The following CLMP variants were observed in gnomAD, a reference collection of about 807,000 sequenced individuals.
CLMP encodes CXADR-like membrane protein.
CLMP carries 27 observed loss-of-function variants against 45.2 expected under a neutral mutation model. The ratio of observed to expected loss-of-function variants is 0.60; its 90% CI spans 0.44 to 0.82. CLMP has a LOEUF of 0.82. Ranked by LOEUF, CLMP falls within the 40% of genes least tolerant of loss-of-function variation. The pLI, the probability that CLMP is intolerant of heterozygous loss-of-function variation, is 0.00. For missense variants in CLMP, 403 were observed against 448.4 expected (o/e 0.90, Z 0.91); for synonymous variants, 167 against 171.4 (o/e 0.97, Z 0.20).
At chr11:123,163,660 C>A (rs1861515933) in intron 1 of CLMP, among the ~76,000 whole-genome samples, 1 of 152,122 alleles carries the variant, frequency 6.6e-6, no homozygotes, top group Non-Finnish European at 1.5e-5. Flanking sequence ...AACCACTGGC[C>A]CCTAGGGCCT....
At chr11:123,175,920 T>C (rs926719719) in intron 1 of CLMP, among the ~76,000 whole-genome samples, 3 of 152,218 alleles carry the variant, frequency 2.0e-5, no homozygotes, top group Non-Finnish European at 4.4e-5. Context: ...AGAAATCTTA[T>C]TTTAGTTAGT....
At chr11:123,172,887 GCTGA>G (rs1163764543) in intron 1 of CLMP, among the ~76,000 whole-genome samples, 2 of 152,212 alleles carry the variant, frequency 1.3e-5, no homozygotes, top group African/African-American at 4.8e-5. Context: ...AATTCCTGAA[GCTGA>G]CTTTTAAATG....
intron 1 of CLMP, among the ~76,000 whole-genome samples, chr11:123,142,616 G>C (rs1457921929): frequency 1.6e-5 from 2 of 128,908 alleles, no homozygotes; most frequent in Non-Finnish European, 3.2e-5. Flanking sequence ...GGCTGGATGA[G>C]GTTTCTTTTT....
intron 1 of CLMP, among the ~76,000 whole-genome samples, chr11:123,168,892 C>T (rs376250635): frequency 2.8e-4 from 42 of 152,326 alleles, no homozygotes; most frequent in African/African-American, 1.0e-3. Flanking sequence ...TATGCAGCAT[C>T]TACTCCCGGC....
intron 1 of CLMP, among the ~76,000 whole-genome samples, chr11:123,104,319 G>T (rs1351543662): frequency 1.3e-5 from 2 of 151,198 alleles, no homozygotes; most frequent in Admixed American, 1.3e-4. Context: ...GGCCTCAAGT[G>T]ATCTGCCCGC....
intron 1 of CLMP, among the ~76,000 whole-genome samples, chr11:123,180,545 GTCTACAGTAAT>G (rs1861755311): frequency 6.6e-6 from 1 of 150,606 alleles, no homozygotes; most frequent in Non-Finnish European, 1.5e-5. Flanking sequence ...AAGTCACCCA[GTCTACAGTAAT>G]TTGTTAAGCA....
chr11:123,179,748 C>T (rs1861744988), intron 1 of CLMP, among the ~76,000 whole-genome samples: 1 of 152,232 alleles, frequency 6.6e-6, no homozygotes, highest in South Asian at 2.1e-4. Flanking sequence ...CTTGGGCTTG[C>T]CGGGGGTTCA....
intron 1 of CLMP, among the ~76,000 whole-genome samples, chr11:123,151,851 G>A (rs542359779): frequency 1.3e-5 from 2 of 152,108 alleles, no homozygotes; most frequent in Admixed American, 6.6e-5. Flanking sequence ...TGTTGGTAGG[G>A]CTGGTTTCCT....
At chr11:123,086,416 G>T (rs894388413) in intron 2 of CLMP, among the ~76,000 whole-genome samples, 2 of 152,186 alleles carry the variant, frequency 1.3e-5, no homozygotes, top group African/African-American at 4.8e-5. Flanking sequence ...ACTAAAAAAG[G>T]CATGCAAGCA....
intron 1 of CLMP, among the ~76,000 whole-genome samples, chr11:123,101,532 G>T (rs1170278542): frequency 6.6e-6 from 1 of 152,252 alleles, no homozygotes; most frequent in Middle Eastern, 3.2e-3. Flanking sequence ...AAGAAGAATG[G>T]AGCAGGGGAG....
At chr11:123,182,807 G>A (rs983709105) in intron 1 of CLMP, among the ~76,000 whole-genome samples, 1 of 152,130 alleles carries the variant, frequency 6.6e-6, no homozygotes, top group African/African-American at 2.4e-5. Context: ...AGGCTTAACC[G>A]TGAAATAACT....
intron 1 of CLMP, chr11:123,193,048 T>A (rs1001883489): frequency 6.6e-6 from 1 of 152,162 alleles, no homozygotes; most frequent in Non-Finnish European, 1.5e-5. Flanking sequence ...TTACATTCCA[T>A]GAAGAGGATG....
At chr11:123,118,480 G>A (rs1193402548) in intron 1 of CLMP, among the ~76,000 whole-genome samples, 1 of 152,186 alleles carries the variant, frequency 6.6e-6, no homozygotes, top group Admixed American at 6.5e-5. Flanking sequence ...AAATGTGTGA[G>A]CAGAACTATA....
At chr11:123,153,062 A>G (rs1861363156) in intron 1 of CLMP, among the ~76,000 whole-genome samples, 1 of 152,194 alleles carries the variant, frequency 6.6e-6, no homozygotes, top group South Asian at 2.1e-4. Context: ...ATCTCTTGCC[A>G]TGGAACACAT....
intron 1 of CLMP, among the ~76,000 whole-genome samples, chr11:123,193,878 G>A (rs1861941677): frequency 6.6e-6 from 1 of 152,160 alleles, no homozygotes; most frequent in South Asian, 2.1e-4. Context: ...ACCAGGACCA[G>A]CTCTCCCGTG....
chr11:123,129,056 C>A (rs1445931386), intron 1 of CLMP, among the ~76,000 whole-genome samples: 1 of 152,126 alleles, frequency 6.6e-6, no homozygotes, highest in Non-Finnish European at 1.5e-5. Context: ...GGAGCAGTAG[C>A]TCATACCTGT....
At chr11:123,181,299 T>C (rs1861766401) in intron 1 of CLMP, among the ~76,000 whole-genome samples, 1 of 152,166 alleles carries the variant, frequency 6.6e-6, no homozygotes, top group Non-Finnish European at 1.5e-5. Flanking sequence ...CTGAACAATT[T>C]CACAACTGTC....
intron 1 of CLMP, among the ~76,000 whole-genome samples, chr11:123,112,736 C>T (rs546594876): frequency 2.8e-4 from 42 of 150,724 alleles, no homozygotes; most frequent in Admixed American, 9.3e-4. Context: ...CACGGCAAAA[C>T]GGTTCCAAGA....
intron 1 of CLMP, among the ~76,000 whole-genome samples, chr11:123,186,961 C>T (rs937814219): frequency 6.6e-6 from 1 of 152,074 alleles, no homozygotes; most frequent in Non-Finnish European, 1.5e-5. Context: ...TGACTTCAAG[C>T]AGACCCTCCA....
Sources: gnomAD v4.1 joint callset for allele counts (sites outside exome capture counted in the v4.1 genomes callset) on GRCh38, gnomAD v4.1.1 for gene constraint, MANE v1.5 for transcripts, NCBI Gene and HGNC (gene_info 2026-07-23, HGNC 2026-07-21) for gene names.